The following PIGU variants were observed in gnomAD, a reference collection of about 807,000 sequenced individuals.
The protein encoded by PIGU is phosphatidylinositol glycan anchor biosynthesis class U.
A neutral mutation model predicts 49.9 loss-of-function variants in PIGU; 24 were observed. The ratio of observed to expected loss-of-function variants is 0.48; its 90% CI spans 0.35 to 0.68. The LOEUF (loss-of-function observed/expected upper bound fraction) is 0.68. Among genes scored for constraint, PIGU ranks in the 30% least tolerant of loss-of-function variants. PIGU has a pLI of 0.01. For missense variants in PIGU, 490 were observed against 532.6 expected (o/e 0.92, Z 0.79); for synonymous variants, 220 against 205.7 (o/e 1.07, Z -0.59).
At chr20:34,574,775 G>C (rs748795911) in intron 11 of PIGU, among the ~76,000 whole-genome samples, 1 of 152,076 alleles carries the variant, frequency 6.6e-6, no homozygotes, top group Non-Finnish European at 1.5e-5. Flanking sequence ...TTTTGTTCTT[G>C]GCTCCTCCAA....
chr20:34,668,509 A>AC (rs1442508467), intron 1 of PIGU, among the ~76,000 whole-genome samples: 1 of 140,144 alleles, frequency 7.1e-6, no homozygotes, highest in African/African-American at 2.7e-5. Context: ...GCTGGCTCAC[A>AC]CCCGTAATCC....
intron 2 of PIGU, among the ~76,000 whole-genome samples, chr20:34,656,118 C>A (rs1986689675): frequency 8.8e-6 from 1 of 113,810 alleles, no homozygotes. Flanking sequence ...GGATTACAGG[C>A]ACCTGCCACC....
intron 2 of PIGU, among the ~76,000 whole-genome samples, chr20:34,654,573 A>C (rs1365228472): frequency 1.7e-5 from 2 of 120,318 alleles, no homozygotes; most frequent in African/African-American, 6.1e-5. Context: ...ATTAACCCAG[A>C]GATAATAAAA....
intron 1 of PIGU, among the ~76,000 whole-genome samples, chr20:34,676,291 G>A (rs992609570): frequency 3.9e-5 from 6 of 152,158 alleles, no homozygotes; most frequent in African/African-American, 9.7e-5. Flanking sequence ...ACTAAGGAAG[G>A]AACTGGGTGG....
At chr20:34,634,855 A>C (rs1278173353) in intron 5 of PIGU, 140 bp from the exon 6 acceptor site, 4 of 1,392,216 alleles carry the variant, frequency 2.9e-6, no homozygotes, top group Non-Finnish European at 3.8e-6. Context: ...CCCAAATAAA[A>C]GAGAATAGAG....
chr20:34,627,294 C>A (rs929354610), intron 6 of PIGU, among the ~76,000 whole-genome samples: 2 of 151,792 alleles, frequency 1.3e-5, no homozygotes, highest in Non-Finnish European at 2.9e-5. Flanking sequence ...AAACTACTTG[C>A]AAAATTAAAT....
intron 7 of PIGU, among the ~76,000 whole-genome samples, chr20:34,611,668 C>CAAAAAAAAAAAAAAAAAAACA (rs149027105): frequency 9.4e-6 from 1 of 106,474 alleles, no homozygotes; most frequent in Admixed American, 1.0e-4. Context: ...AAAAAAAAGA[C>CAAAAAAAAAAAAAAAAAAACA]AAAAAAAAAA....
intron 4 of PIGU, among the ~76,000 whole-genome samples, chr20:34,640,501 A>ACG (rs1414216692): frequency 4.5e-5 from 1 of 22,154 alleles, no homozygotes; most frequent in Admixed American, 7.2e-4. Flanking sequence ...GCGCACGCGC[A>ACG]CACACACACA....
intron 2 of PIGU, among the ~76,000 whole-genome samples, chr20:34,655,820 G>A (rs1600664537): frequency 8.2e-6 from 1 of 121,394 alleles, no homozygotes; most frequent in Non-Finnish European, 1.8e-5. Flanking sequence ...CGAGCAAGAC[G>A]GTGACAGAAA....
intron 1 of PIGU, among the ~76,000 whole-genome samples, chr20:34,659,444 G>C (rs1474836296): frequency 0.014 from 1,290 of 91,214 alleles, 37 homozygotes; most frequent in African/African-American, 0.052. Context: ...GTCAGCCCCC[G>C]GCCCGGCCAG....
At chr20:34,644,534 C>T (rs1251951643) in intron 3 of PIGU, among the ~76,000 whole-genome samples, 1 of 152,126 alleles carries the variant, frequency 6.6e-6, no homozygotes, top group East Asian at 1.9e-4. Context: ...CTTTGCATGC[C>T]TGATGTATGT....
chr20:34,603,264 G>A (rs1298736581), intron 7 of PIGU, among the ~76,000 whole-genome samples: 2 of 152,202 alleles, frequency 1.3e-5, no homozygotes, highest in East Asian at 3.9e-4. Flanking sequence ...TCTGATGTCA[G>A]CAGTTATTGA....
intron 11 of PIGU, among the ~76,000 whole-genome samples, chr20:34,563,430 G>A (rs58220722): frequency 0.057 from 8,701 of 152,188 alleles, 806 homozygotes; most frequent in African/African-American, 0.2. Flanking sequence ...AGCCGGGCAT[G>A]GTGGCGCATG....
chr20:34,648,469 G>A (rs1333370518), intron 2 of PIGU, among the ~76,000 whole-genome samples: 3 of 151,990 alleles, frequency 2.0e-5, no homozygotes, highest in Admixed American at 2.0e-4. Flanking sequence ...GCCTCTTTGG[G>A]CTGTCAGCAT....
At chr20:34,670,114 T>G (rs2146798263) in intron 1 of PIGU, among the ~76,000 whole-genome samples, 1 of 152,214 alleles carries the variant, frequency 6.6e-6, no homozygotes, top group Admixed American at 6.5e-5. Context: ...GTTACAAAAA[T>G]GTTCACCTTA....
At chr20:34,573,882 C>G (rs1983115908) in intron 11 of PIGU, among the ~76,000 whole-genome samples, 1 of 152,250 alleles carries the variant, frequency 6.6e-6, no homozygotes, top group African/African-American at 2.4e-5. Flanking sequence ...ACCAAGACAA[C>G]TGGCTGGGCT....
chr20:34,648,251 C>CA (rs34170509), intron 2 of PIGU, among the ~76,000 whole-genome samples: 1,907 of 88,588 alleles, frequency 0.022, 51 homozygotes, highest in African/African-American at 0.059. Context: ...GACCCTGTCT[C>CA]AAAAAAAAAA....
chr20:34,590,827 C>T (rs1304313098), intron 7 of PIGU, among the ~76,000 whole-genome samples: 1 of 151,944 alleles, frequency 6.6e-6, no homozygotes, highest in Admixed American at 6.6e-5. Context: ...TCGAGACCAT[C>T]CTGGCTAACA....
rs1985685410 is a variant in PIGU at position 34,630,967 on chromosome 20, C to T, written c.529+3648G>A. ...GCCATGTCTCACTCTTAAATAGAAA[C>T]AGCAAGGATTACCATACATATAAGA... On this transcript the variant is annotated intron_variant, in intron 6 of 11. Coordinates refer to ENST00000217446, the MANE Select transcript of PIGU (RefSeq NM_080476.5). Among the ~76,000 whole-genome samples, 3 of 151,768 alleles carry T rather than the reference C, an allele frequency of 2.0e-5. No homozygotes were observed. In the South Asian group the frequency reaches 6.2e-4, roughly 32 times the overall value.
Sources: gnomAD v4.1 joint callset for allele counts (sites outside exome capture counted in the v4.1 genomes callset) on GRCh38, gnomAD v4.1.1 for gene constraint, MANE v1.5 for transcripts, NCBI Gene and HGNC (gene_info 2026-07-23, HGNC 2026-07-21) for gene names.